The following PPP3CB variants were observed in gnomAD, a reference collection of about 807,000 sequenced individuals.
PPP3CB encodes the protein serine/threonine-protein phosphatase 2B catalytic subunit beta isoform.
In PPP3CB, 8 loss-of-function variants were observed where a neutral mutation model predicts 66.4. That is an observed-to-expected ratio of 0.12 (90% CI 0.07 to 0.22). The LOEUF (loss-of-function observed/expected upper bound fraction) is 0.22, where lower values mean the gene tolerates loss of function less well. PPP3CB is among the 10% of genes least tolerant of loss of function. The pLI is 1.00. For missense variants in PPP3CB, 319 were observed against 642.5 expected (o/e 0.50, Z 5.44); for synonymous variants, 208 against 221.2 (o/e 0.94, Z 0.53).
chr10:73,495,831 G>T lies in PPP3CB; in HGVS notation c.59C>A (p.Pro20His). 6.7e-7 allele frequency: 1 copy of T among 1,500,918 alleles called. No individual in the cohort carries two copies. Among genetic ancestry groups the T allele is most frequent in the Non-Finnish European group, 8.9e-7 (1 of 1,125,236 alleles). 93.0% of individuals were successfully genotyped at this position (1,500,918 alleles called of 1,614,324 possible). ...APPPPPPPPP[P>H]PGADRVVKAV... Reference sequence around the variant, plus strand: ...TTTGACGACGCGGTCAGCCCCGGGAGGGGGCGGCGGGGGCGGGGGTGGGGG... The same window carrying T: ...TTTGACGACGCGGTCAGCCCCGGGATGGGGCGGCGGGGGCGGGGGTGGGGG... Residue 20 changes from proline (P) to histidine (H), a missense_variant, in exon 1 of 14, where the codon CCT becomes CAT. This residue lies in a region of PPP3CB where 104 missense variants were observed against 128.4 expected (regional missense o/e 0.81). Coordinates refer to ENST00000360663, the MANE Select transcript of PPP3CB (RefSeq NM_021132.4).
chr10:73,487,583 A>AC (rs1396425707), intron 1 of PPP3CB, among the ~76,000 whole-genome samples: 41 of 150,692 alleles, frequency 2.7e-4, no homozygotes, highest in African/African-American at 1.0e-3. Context: ...AAAAAAAAAA[A>AC]ACAAACAGGA....
intron 10 of PPP3CB, among the ~76,000 whole-genome samples, chr10:73,451,712 C>T (rs1210600353): frequency 1.3e-5 from 2 of 149,828 alleles, no homozygotes; most frequent in Non-Finnish European, 3.0e-5. Flanking sequence ...CAAGACCAGC[C>T]TTGGTAACAT....
Position 73,449,631 on chromosome 10 carries a change from C to CA in PPP3CB, c.1187-3059dup, listed in dbSNP as rs1292459406. 4.6e-5 allele frequency among the ~76,000 whole-genome samples: 7 copies of CA among 152,226 alleles called. No homozygotes were observed. In the South Asian group the frequency reaches 1.4e-3, roughly 32 times the overall value. On this transcript the variant is annotated intron_variant, in intron 10 of 13. Coordinates refer to ENST00000360663, the MANE Select transcript of PPP3CB (RefSeq NM_021132.4). ...CCTAAATATCACAGAAATCAGTTTTCAAAAATTCTCTTTTATGATTAACAC... is the reference window on the plus strand; with the variant it reads ...CCTAAATATCACAGAAATCAGTTTTCAAAAAATTCTCTTTTATGATTAACAC...
chr10:73,484,491 TC>T (rs1365522261), intron 1 of PPP3CB, among the ~76,000 whole-genome samples: 4 of 151,946 alleles, frequency 2.6e-5, no homozygotes, highest in African/African-American at 9.7e-5. Context: ...CAGGATGGTC[TC>T]GATCTCCTGA....
At chr10:73,446,603 G>A (rs1193625703) in intron 10 of PPP3CB, 30 bp from the exon 11 acceptor site, 1 of 1,593,566 alleles carries the variant, frequency 6.3e-7, no homozygotes, top group Non-Finnish European at 8.6e-7. Context: ...TAGAGAGAAA[G>A]GCTCAAGTTT....
intron 9 of PPP3CB, among the ~76,000 whole-genome samples, chr10:73,458,344 C>T (rs924790940): frequency 6.6e-6 from 1 of 151,950 alleles, no homozygotes; most frequent in Non-Finnish European, 1.5e-5. Context: ...ACCATGTTGG[C>T]CAGGCTGGTC....
At chr10:73,493,131 C>T (rs978981996) in intron 1 of PPP3CB, among the ~76,000 whole-genome samples, 1 of 152,008 alleles carries the variant, frequency 6.6e-6, no homozygotes, top group Non-Finnish European at 1.5e-5. Flanking sequence ...AAAAAATTAA[C>T]CGGGCATGGT....
intron 9 of PPP3CB, among the ~76,000 whole-genome samples, chr10:73,463,104 C>A (rs1423373215): frequency 6.6e-6 from 1 of 151,956 alleles, no homozygotes; most frequent in Admixed American, 6.6e-5. Context: ...CTATCTTCAC[C>A]AGACTCAAAA....
At chr10:73,445,776 T>A (rs779224212) in intron 11 of PPP3CB, among the ~76,000 whole-genome samples, 25 of 142,674 alleles carry the variant, frequency 1.8e-4, no homozygotes, top group Non-Finnish European at 3.2e-4. Flanking sequence ...TGAGACAGAG[T>A]CTCACTCTGT....
At chr10:73,443,037 A>C (rs1231212369) in intron 12 of PPP3CB, among the ~76,000 whole-genome samples, 2 of 151,456 alleles carry the variant, frequency 1.3e-5, no homozygotes, top group South Asian at 4.2e-4. Context: ...AAAAAATAAA[A>C]AAAATAAAAA....
intron 9 of PPP3CB, among the ~76,000 whole-genome samples, chr10:73,456,795 C>T (rs1206284699): frequency 6.6e-6 from 1 of 152,046 alleles, no homozygotes; most frequent in African/African-American, 2.4e-5. Flanking sequence ...GGTATAACAA[C>T]AAAAACACAA....
At chr10:73,443,457 A>G (rs982929154) in intron 12 of PPP3CB, among the ~76,000 whole-genome samples, 2 of 152,148 alleles carry the variant, frequency 1.3e-5, no homozygotes, top group African/African-American at 4.8e-5. Context: ...TTTTCCCTCT[A>G]AAAAAGTCAC....
intron 1 of PPP3CB, among the ~76,000 whole-genome samples, chr10:73,482,150 AAC>A (rs1371945297): frequency 6.6e-6 from 1 of 152,176 alleles, no homozygotes; most frequent in Non-Finnish European, 1.5e-5. Context: ...CTTACTAATA[AAC>A]ACAAATTTCT....
rs2056091879 is a variant in PPP3CB, at chr10:73,437,889, C to T, written c.*353G>A. 1 of 182,410 alleles carries T rather than the reference C, an allele frequency of 5.5e-6. No homozygotes were observed. The allele number at this position is 182,410 out of a possible 1,614,324, so 11.3% of individuals were successfully genotyped here. Reference sequence around the variant, plus strand: ...TAGCTCTTAGGATTGCATTTGAAATCATGATTGAAAAACAAAATCTAATTC... The same window carrying T: ...TAGCTCTTAGGATTGCATTTGAAATTATGATTGAAAAACAAAATCTAATTC... On this transcript the variant is annotated 3_prime_UTR_variant, in exon 14 of 14. Transcript: ENST00000360663.
intron 1 of PPP3CB, among the ~76,000 whole-genome samples, chr10:73,487,786 G>GTTT (rs1191348668): frequency 7.1e-6 from 1 of 141,496 alleles, no homozygotes. Context: ...GCAAGTTTTT[G>GTTT]TTTTTTTTTT....
In PPP3CB at chr10:73,446,481, T is replaced by G. The variant is rs1288572957; in HGVS notation, c.1268+11A>C. The G allele has an allele frequency of 6.3e-7, 1 of 1,598,870 alleles. No homozygotes were observed. The highest frequency in any genetic ancestry group is 1.3e-5 in the African/African-American group (1 of 74,462). ...TCTGCAAAACAAATAATCAAGAAAA[T>G]ATATCATTACCTGAGAACAGAGAAG... On this transcript the variant is annotated intron_variant, in intron 11 of 13. Coordinates refer to ENST00000360663, the MANE Select transcript of PPP3CB (RefSeq NM_021132.4).
chr10:73,460,263 A>G (rs1039996452), intron 9 of PPP3CB, among the ~76,000 whole-genome samples: 7 of 146,178 alleles, frequency 4.8e-5, no homozygotes, highest in Non-Finnish European at 7.5e-5. Context: ...AGAAAGTAAT[A>G]GCAAAAAAAA....
At chr10:73,483,339 A>C (rs2056914754) in intron 1 of PPP3CB, among the ~76,000 whole-genome samples, 1 of 152,210 alleles carries the variant, frequency 6.6e-6, no homozygotes, top group South Asian at 2.1e-4. Flanking sequence ...TAACACTGAA[A>C]ATAAAAATAG....
chr10:73,475,759 TAAGA>T (rs756414358), intron 3 of PPP3CB, among the ~76,000 whole-genome samples: 3 of 152,180 alleles, frequency 2.0e-5, no homozygotes, highest in African/African-American at 7.2e-5. Context: ...AGATTTAACA[TAAGA>T]AAGAGACTCA....
Sources: allele counts gnomAD v4.1 joint callset (sites outside exome capture counted in the v4.1 genomes callset), GRCh38; gene constraint gnomAD v4.1.1; regional missense constraint gnomAD v4.1.1; transcripts MANE v1.5; gene names NCBI Gene and HGNC (gene_info 2026-07-23, HGNC 2026-07-21).